CRHBP: variants seen among roughly 807,000 people sequenced by gnomAD.
The protein encoded by CRHBP is corticotropin-releasing hormone-binding protein.
Under a neutral mutation model 34.9 loss-of-function variants are expected in CRHBP, and 19 were observed. That is an observed-to-expected ratio of 0.55 (90% CI 0.38 to 0.80). The LOEUF is 0.80. Ranked by LOEUF, CRHBP falls within the 30% of genes least tolerant of loss-of-function variation. The pLI, the probability that CRHBP is intolerant of heterozygous loss-of-function variation, is 0.00. For missense variants in CRHBP, 328 were observed against 409.2 expected (o/e 0.80, Z 1.71); for synonymous variants, 154 against 153.4 (o/e 1.00, Z -0.03).
chr5:76,953,890 C>A (rs1745619310), intron 2 of CRHBP, 139 bp from the exon 3 acceptor site: 4 of 1,225,358 alleles, frequency 3.3e-6, no homozygotes, highest in Non-Finnish European at 4.4e-6. Context: ...GGCGCAGGAA[C>A]CCAGCGCAGC....
At chr5:76,976,119 C>A (rs1746032243) in intron 2 of CRHBP, among the ~76,000 whole-genome samples, 1 of 151,588 alleles carries the variant, frequency 6.6e-6, no homozygotes, top group Non-Finnish European at 1.5e-5. Context: ...GGCCCCTACC[C>A]ACCCATCCTC....
At chr5:76,953,806 C>T (rs1745616561) in intron 2 of CRHBP, 112 bp downstream of exon 2, 11 of 1,266,716 alleles carry the variant, frequency 8.7e-6, no homozygotes, top group Non-Finnish European at 1.2e-5. Context: ...CCGGAACCGC[C>T]AGGGGCGCGG....
In CRHBP at chr5:76,969,007, G is replaced by A. The variant is rs1401584143; in HGVS notation, c.*122G>A. The stretch of plus-strand genomic sequence containing the variant: ...CCAGTCAGTATTCCCAGCCTTGAGC[G>A]CACGCGCGCACACACACACACACAT... On this transcript the variant is annotated 3_prime_UTR_variant, in exon 7 of 7. Coordinates refer to ENST00000274368, the MANE Select transcript of CRHBP (RefSeq NM_001882.4). 19 of 1,069,696 alleles carry A rather than the reference G, an allele frequency of 1.8e-5. No homozygotes were observed. The highest frequency in any genetic ancestry group is 2.5e-4 in the Middle Eastern group (1 of 4,000). The allele number at this position is 1,069,696 out of a possible 1,614,324, so 66.3% of individuals were successfully genotyped here. A position where few individuals can be genotyped will look rare whatever the true frequency, so the allele number is the denominator to read the frequency against.
At chr5:76,970,226 A>T (rs1745926066), downstream of CRHBP, among the ~76,000 whole-genome samples, 1 of 152,088 alleles carries the variant, frequency 6.6e-6, no homozygotes, top group Non-Finnish European at 1.5e-5. Context: ...GATTACAGGC[A>T]TGAGCCACTG....
chr5:76,955,863 C>T lies in CRHBP; in HGVS notation c.544C>T (p.Pro182Ser), dbSNP rs866512825. 1.2e-6 allele frequency: 2 copies of T among 1,613,068 alleles called. No homozygotes were observed. The highest frequency in any genetic ancestry group is 1.7e-6 in the Non-Finnish European group (2 of 1,179,340). The stretch of plus-strand genomic sequence containing the variant: ...CATAAAGACAGACCCCAACCTCTTT[C>T]GTAAGTGTTCTCAGTCAAAAGGCAG... The part of the protein sequence containing the change: ...LTIKTDPNLF[P>S]CNVISQTPNG... Residue 182 changes from proline to serine, a missense_variant and splice_region_variant, in exon 4 of 7, where the codon CCT becomes TCT. Physicochemically the swap from Pro to Ser is moderately conservative, Grantham distance 74 (BLOSUM62 -1). This residue lies in a region of CRHBP where 144 missense variants were observed against 216.7 expected (regional missense o/e 0.66). Transcript: ENST00000274368.
intron 5 of CRHBP, among the ~76,000 whole-genome samples, chr5:76,962,535 T>C (rs1745794946): frequency 6.6e-6 from 1 of 151,820 alleles, no homozygotes. Flanking sequence ...TCCCAGCATT[T>C]TGGGAGTCCG....
chr5:76,953,681 C>A lies in CRHBP; in HGVS notation c.162C>A (p.Tyr54Ter). 6.2e-7 allele frequency: 1 copy of A among 1,609,224 alleles called. No individual in the cohort carries two copies. Among genetic ancestry groups the A allele is most frequent in the Non-Finnish European group, 8.5e-7 (1 of 1,177,986 alleles). The change falls in exon 2 of 7, where the codon TAC becomes TAA. Residue 54 changes from tyrosine (Y) to a stop codon, truncating the protein, a stop_gained. Transcript: ENST00000274368. LOFTEE classifies it high-confidence loss of function. ...LKRELAGEQP[Y>*]RRALRCLDML... ...GGGAGCTGGCTGGGGAGCAGCCGTACCGCCGCGCTCTGCGTGAGTCGAGGC... is the reference window on the plus strand; with the variant it reads ...GGGAGCTGGCTGGGGAGCAGCCGTAACGCCGCGCTCTGCGTGAGTCGAGGC...
At chr5:76,953,414 G>A in intron 1 of CRHBP, 187 bp from the exon 2 acceptor site, 1 of 846,194 alleles carries the variant, frequency 1.2e-6, no homozygotes. Flanking sequence ...GCCTTCCTCT[G>A]GCCGCTGGGG....
chr5:76,977,261 T>C (rs994811408), intron 3 of CRHBP, among the ~76,000 whole-genome samples: 1 of 152,208 alleles, frequency 6.6e-6, no homozygotes, highest in African/African-American at 2.4e-5. Context: ...AGCTAATATT[T>C]ATTGAATACG....
intron 5 of CRHBP, among the ~76,000 whole-genome samples, chr5:76,959,184 C>T (rs1745739611): frequency 6.6e-6 from 1 of 152,176 alleles, no homozygotes; most frequent in Non-Finnish European, 1.5e-5. Flanking sequence ...ATTGAACTCT[C>T]TTGTACTTGC....
downstream of CRHBP, among the ~76,000 whole-genome samples, chr5:76,973,896 A>T (rs1261568413): frequency 6.6e-6 from 1 of 151,802 alleles, no homozygotes; most frequent in African/African-American, 2.4e-5. Context: ...CTCTGCCTCC[A>T]GGGTTCAAGC....
chr5:76,980,438 T>C (rs1746103092), intron 3 of CRHBP, among the ~76,000 whole-genome samples: 1 of 152,212 alleles, frequency 6.6e-6, no homozygotes, highest in African/African-American at 2.4e-5. Flanking sequence ...GAAAGCATTC[T>C]GGTCCTTATT....
chr5:76,978,883 G>A lies in CRHBP; in HGVS notation n.468-2078G>A, dbSNP rs575956550. Among the ~76,000 whole-genome samples the A allele has an allele frequency of 2.8e-3, 420 of 152,310 alleles. 4 individuals carry two copies. Among genetic ancestry groups the A allele is most frequent in the Non-Finnish European group, 4.5e-3 (306 of 68,024 alleles). ...TTGATAAAATTAACTCTAATTTGGA[G>A]GAAGTTCTACTATAGGTAAAATGCT... On this transcript the variant is annotated intron_variant and non_coding_transcript_variant, in intron 3 of 3. Coordinates refer to the CRHBP transcript ENST00000514258.
At chr5:76,970,411 G>GA (rs141544188), downstream of CRHBP, among the ~76,000 whole-genome samples, 936 of 147,210 alleles carry the variant, frequency 6.4e-3, 12 homozygotes, top group African/African-American at 0.016. Flanking sequence ...AAACCAGGCA[G>GA]AAAAAAAAAA....
At chr5:76,969,934 CTTTTTTTTT>C (rs201228247), downstream of CRHBP, among the ~76,000 whole-genome samples, 77 of 61,624 alleles carry the variant, frequency 1.2e-3, no homozygotes, top group Middle Eastern at 0.016. Context: ...AAAGAAAATT[CTTTTTTTTT>C]TTTTTTTTTT....
At chr5:76,975,825 A>AAAAAAAAAAAAATTATATATATAT in intron 2 of CRHBP, among the ~76,000 whole-genome samples, 1 of 61,846 alleles carries the variant, frequency 1.6e-5, no homozygotes, top group Admixed American at 1.8e-4. Context: ...AAAAAAAAAA[A>AAAAAAAAAAAAATTATATATATAT]ATATATATAT....
rs547829856 is a variant in CRHBP at position 76,955,393 on chromosome 5, T to C, written c.334-260T>C. Among the ~76,000 whole-genome samples, 10 of 152,284 alleles carry C rather than the reference T, an allele frequency of 6.6e-5. No individual in the cohort carries two copies. In the South Asian group the frequency reaches 1.7e-3, roughly 25 times the overall value. On this transcript the variant is annotated intron_variant, in intron 3 of 6. Transcript: ENST00000274368. ...TACGTTGTTTTATTTACCAAAGTGG[T>C]TGAAATGATAAAGTATAAGGAAGTT...
chr5:76,978,727 G>A (rs1424135359), intron 3 of CRHBP, among the ~76,000 whole-genome samples: 1 of 152,190 alleles, frequency 6.6e-6, no homozygotes, highest in Non-Finnish European at 1.5e-5. Flanking sequence ...AATGAGCAAA[G>A]AAAGCGGTTT....
At chr5:76,961,973 C>T (rs745696913) in intron 5 of CRHBP, among the ~76,000 whole-genome samples, 2 of 152,086 alleles carry the variant, frequency 1.3e-5, no homozygotes, top group Non-Finnish European at 2.9e-5. Flanking sequence ...AGGCTGGTCT[C>T]GAACTCCTGA....
Sources: gnomAD v4.1 joint callset for allele counts (sites outside exome capture counted in the v4.1 genomes callset) on GRCh38, gnomAD v4.1.1 for gene constraint, gnomAD v4.1.1 regional missense constraint, MANE v1.5 for transcripts, NCBI Gene and HGNC (gene_info 2026-07-23, HGNC 2026-07-21) for gene names.